The following NDUFAF6 variants were observed in gnomAD, a reference collection of about 807,000 sequenced individuals.
The protein encoded by NDUFAF6 is NADH:ubiquinone oxidoreductase complex assembly factor 6, also known as NADH dehydrogenase (ubiquinone) complex I, assembly factor 6.
In NDUFAF6, 45 loss-of-function variants were observed where a neutral mutation model predicts 40.8. The ratio of observed to expected loss-of-function variants is 1.10; its 90% CI spans 0.87 to 1.42. NDUFAF6 has a LOEUF of 1.42. Among genes scored for constraint, NDUFAF6 ranks in the 40% most tolerant of loss-of-function variants. NDUFAF6 has a pLI of 0.00. For synonymous variants in NDUFAF6, 185 were observed against 155.9 expected (o/e 1.19, Z -1.39); for missense variants, 435 against 418.5 (o/e 1.04, Z -0.34).
downstream of NDUFAF6, among the ~76,000 whole-genome samples, chr8:95,061,336 TTTTCTGAAGATATTGGC>T (rs1041925933): frequency 6.6e-6 from 1 of 152,214 alleles, no homozygotes; most frequent in African/African-American, 2.4e-5. Context: ...TAAATTGGAC[TTTTCTGAAGATATTGGC>T]TTAATCGATT....
At chr8:95,109,692 A>G (rs968335392) in intron 4 of NDUFAF6, among the ~76,000 whole-genome samples, 6 of 152,264 alleles carry the variant, frequency 3.9e-5, no homozygotes, top group South Asian at 2.1e-4. Flanking sequence ...CTCTTCTTAT[A>G]TCATCACATC....
intron 2 of NDUFAF6, among the ~76,000 whole-genome samples, chr8:94,946,408 A>C (rs1821993544): frequency 6.6e-6 from 1 of 151,950 alleles, no homozygotes; most frequent in African/African-American, 2.4e-5. Context: ...GTACTTAAAG[A>C]CTGGCTCTGA....
At chr8:95,012,643 A>AAAATAAAT (rs61552543) in intron 2 of NDUFAF6, among the ~76,000 whole-genome samples, 33,687 of 147,234 alleles carry the variant, frequency 0.23, 4,934 homozygotes, top group East Asian at 0.51. Flanking sequence ...CTCTGTCTCT[A>AAAATAAAT]AAATAAATAA....
rs536076531 is a variant in NDUFAF6, at chr8:95,088,476, C to T, written n.214-12656C>T. On this transcript the variant is annotated intron_variant and non_coding_transcript_variant, in intron 2 of 5. Transcript: ENST00000523184. ...CTTCTACCCTGCCTTTCCTTCTCCA[C>T]CCAAAACACACCTACCTCATCAGTG... Among the ~76,000 whole-genome samples, 24 of 152,296 alleles carry T rather than the reference C, an allele frequency of 1.6e-4. No individual in the cohort carries two copies. The South Asian group carries it at 5.0e-3, about 32-fold the overall frequency.
intron 1 of NDUFAF6, among the ~76,000 whole-genome samples, chr8:94,905,851 C>A (rs1231388455): frequency 6.6e-6 from 1 of 152,200 alleles, no homozygotes; most frequent in Non-Finnish European, 1.5e-5. Context: ...GGCACCTGCC[C>A]ACACGTTGTA....
At chr8:95,110,306 C>G (rs980746379) in intron 4 of NDUFAF6, among the ~76,000 whole-genome samples, 2 of 152,188 alleles carry the variant, frequency 1.3e-5, no homozygotes, top group Non-Finnish European at 2.9e-5. Flanking sequence ...TGTCAAGATG[C>G]CTTTGTGGAG....
At chr8:94,981,494 A>G (rs1825438687) in intron 2 of NDUFAF6, among the ~76,000 whole-genome samples, 1 of 152,238 alleles carries the variant, frequency 6.6e-6, no homozygotes, top group East Asian at 1.9e-4. Flanking sequence ...TGCAGCAGCT[A>G]TAGCCATCTT....
chr8:95,076,415 C>T (rs1833018240), downstream of NDUFAF6, among the ~76,000 whole-genome samples: 1 of 152,198 alleles, frequency 6.6e-6, no homozygotes, highest in South Asian at 2.1e-4. Context: ...TCGTGCCAGT[C>T]TCTGTATTTC....
intron 9 of NDUFAF6, among the ~76,000 whole-genome samples, chr8:95,074,931 A>C (rs185832334): frequency 6.6e-6 from 1 of 152,138 alleles, no homozygotes; most frequent in East Asian, 1.9e-4. Context: ...CAACCTCAAA[A>C]ATTTCATTCA....
At chr8:94,954,498 T>G (rs1370278203), upstream of NDUFAF6, among the ~76,000 whole-genome samples, 1 of 152,110 alleles carries the variant, frequency 6.6e-6, no homozygotes, top group Non-Finnish European at 1.5e-5. Context: ...ATATATAATT[T>G]AGTGGGTGCT....
chr8:94,936,509 G>C (rs1820989625), intron 1 of NDUFAF6, among the ~76,000 whole-genome samples: 1 of 152,120 alleles, frequency 6.6e-6, no homozygotes, highest in Non-Finnish European at 1.5e-5. Flanking sequence ...GATCAAAGAA[G>C]GTAAAAACAA....
Position 95,052,190 on chromosome 8 carries a change from A to G in NDUFAF6, c.833A>G (p.Lys278Arg), listed in dbSNP as rs1231077504. Reference sequence around the variant, plus strand: ...CCTTTTTAGGCTAGGTCCTTTCACAAAACTGTTCCTGTGAAAGCATTTCCT... The same window carrying G: ...CCTTTTTAGGCTAGGTCCTTTCACAGAACTGTTCCTGTGAAAGCATTTCCT... The part of the protein sequence containing the change: ...LHLKHARSFH[K>R]TVPVKAFPAF... Residue 278 changes from lysine to arginine, a missense_variant, in exon 8 of 9, where the codon AAA becomes AGA. Lys to Arg is a conservative substitution (Grantham distance 26, BLOSUM62 2). Coordinates refer to ENST00000396124, the MANE Select transcript of NDUFAF6 (RefSeq NM_152416.4). The G allele has an allele frequency of 3.1e-6, 5 of 1,614,040 alleles. No individual in the cohort carries two copies. In the South Asian group the frequency reaches 4.4e-5, roughly 14 times the overall value.
intron 1 of NDUFAF6, among the ~76,000 whole-genome samples, chr8:94,910,754 A>G (rs1384669649): frequency 6.6e-6 from 1 of 152,246 alleles, no homozygotes; most frequent in African/African-American, 2.4e-5. Context: ...TATGAAAATC[A>G]GGGTTCCAAT....
At chr8:94,988,458 T>C (rs768524773) in intron 2 of NDUFAF6, 1 of 152,208 alleles carries the variant, frequency 6.6e-6, no homozygotes, top group Non-Finnish European at 1.5e-5. Flanking sequence ...CAGTGAGGGC[T>C]ATGTCTTACA....
chr8:95,004,276 G>A (rs1405306936), intron 2 of NDUFAF6, among the ~76,000 whole-genome samples: 1 of 151,956 alleles, frequency 6.6e-6, no homozygotes, highest in Non-Finnish European at 1.5e-5. Context: ...GCTCGCTATG[G>A]GCTCCAGGAA....
At chr8:95,076,720 A>G (rs113149166), downstream of NDUFAF6, among the ~76,000 whole-genome samples, 2,341 of 152,142 alleles carry the variant, frequency 0.015, 65 homozygotes, top group African/African-American at 0.054. Context: ...CTAAAAATAC[A>G]AAATTAGCCA....
At chr8:94,909,743 A>G (rs1818642619) in intron 1 of NDUFAF6, among the ~76,000 whole-genome samples, 1 of 151,868 alleles carries the variant, frequency 6.6e-6, no homozygotes, top group African/African-American at 2.4e-5. Context: ...TAGGCAACAT[A>G]GTGAGACCTC....
At chr8:94,904,357 T>TTTTTTTTTTA in intron 1 of NDUFAF6, among the ~76,000 whole-genome samples, 1 of 116,250 alleles carries the variant, frequency 8.6e-6, no homozygotes, top group East Asian at 2.4e-4. Flanking sequence ...TTTTTTTTTT[T>TTTTTTTTTTA]AGTAAAGACA....
chr8:95,035,989 G>C (rs977299030), intron 3 of NDUFAF6, among the ~76,000 whole-genome samples: 1 of 152,178 alleles, frequency 6.6e-6, no homozygotes, highest in African/African-American at 2.4e-5. Flanking sequence ...CTGGGCTGTA[G>C]AACATGTATT....
Sources: gnomAD v4.1 joint callset for allele counts (sites outside exome capture counted in the v4.1 genomes callset) on GRCh38, gnomAD v4.1.1 for gene constraint, MANE v1.5 for transcripts, NCBI Gene and HGNC (gene_info 2026-07-23, HGNC 2026-07-21) for gene names.